STXBP5L: variants seen among roughly 807,000 people sequenced by gnomAD.
The protein encoded by STXBP5L is syntaxin binding protein 5L.
In STXBP5L, 65 loss-of-function variants were observed where a neutral mutation model predicts 144.5. That is an observed-to-expected ratio of 0.45 (90% CI 0.37 to 0.55). The LOEUF is 0.55. STXBP5L is among the 20% of genes least tolerant of loss of function. The pLI is 0.00. For synonymous variants in STXBP5L, 505 were observed against 469.6 expected, an observed-to-expected ratio of 1.08 and a Z score of -0.97; for missense variants, 1,298 against 1,405.5, an observed-to-expected ratio of 0.92 and a Z score of 1.22.
intron 2 of STXBP5L, among the ~76,000 whole-genome samples, chr3:120,928,676 G>A (rs960027102): frequency 2.8e-5 from 4 of 143,636 alleles, no homozygotes; most frequent in Admixed American, 7.1e-5. Flanking sequence ...GTGTGTGTGT[G>A]TCTTATACAA....
chr3:120,975,068 A>C (rs1254968490), intron 3 of STXBP5L, among the ~76,000 whole-genome samples: 3 of 152,108 alleles, frequency 2.0e-5, no homozygotes, highest in Non-Finnish European at 4.4e-5. Context: ...AGTTTTTTCC[A>C]ATTCTGTGAA....
chr3:121,075,286 G>T (rs1033575854), intron 5 of STXBP5L, among the ~76,000 whole-genome samples: 1 of 151,856 alleles, frequency 6.6e-6, no homozygotes, highest in African/African-American at 2.4e-5. Flanking sequence ...TCAATCCTAG[G>T]TCAGCCCCCT....
chr3:121,374,951 A>G (rs1332887833), intron 20 of STXBP5L, among the ~76,000 whole-genome samples: 1 of 150,054 alleles, frequency 6.7e-6, no homozygotes, highest in Non-Finnish European at 1.5e-5. Flanking sequence ...TATAAGTGGG[A>G]GCTAAATAAT....
chr3:120,997,963 C>G (rs887121005), intron 3 of STXBP5L, among the ~76,000 whole-genome samples: 1 of 152,128 alleles, frequency 6.6e-6, no homozygotes, highest in Non-Finnish European at 1.5e-5. Context: ...ATCACATAAA[C>G]AGAGCTAAAG....
intron 15 of STXBP5L, among the ~76,000 whole-genome samples, chr3:121,252,175 C>T (rs1367226445): frequency 6.6e-6 from 1 of 152,026 alleles, no homozygotes; most frequent in African/African-American, 2.4e-5. Flanking sequence ...GCCTGGGCAA[C>T]ACGGTGAAAC....
intron 20 of STXBP5L, among the ~76,000 whole-genome samples, chr3:121,373,815 T>C (rs554078668): frequency 2.0e-5 from 3 of 152,164 alleles, no homozygotes; most frequent in Non-Finnish European, 2.9e-5. Flanking sequence ...AGACTGGTCC[T>C]ACTGGCCTGA....
intron 24 of STXBP5L, 82 bp downstream of exon 24, chr3:121,413,405 T>C: frequency 1.6e-6 from 2 of 1,284,516 alleles, no homozygotes; most frequent in Non-Finnish European, 1.0e-6. Context: ...AAAAATATTA[T>C]TAGGTCAGAC....
intron 5 of STXBP5L, among the ~76,000 whole-genome samples, chr3:121,098,158 G>C (rs78930035): frequency 0.099 from 15,096 of 152,104 alleles, 1,178 homozygotes; most frequent in Admixed American, 0.2. Context: ...TTTTAGAGTT[G>C]GTTTGAAAAT....
intron 19 of STXBP5L, among the ~76,000 whole-genome samples, chr3:121,290,721 T>C (rs2051406919): frequency 6.6e-6 from 1 of 152,070 alleles, no homozygotes; most frequent in African/African-American, 2.4e-5. Flanking sequence ...ATCAAGTGGG[T>C]TTCATACCAG....
chr3:121,213,214 C>A (rs2048646912), intron 10 of STXBP5L, among the ~76,000 whole-genome samples: 1 of 152,078 alleles, frequency 6.6e-6, no homozygotes, highest in Non-Finnish European at 1.5e-5. Context: ...CTTTCTCTTG[C>A]CTGATTGCCC....
At position 121,381,345 on chromosome 3, in the gene STXBP5L, T is replaced by C. The variant is rs754438759; in HGVS notation, c.2400T>C (p.Ile800=). The C allele has an allele frequency of 1.2e-6, 2 of 1,603,862 alleles. No homozygotes were observed. Among genetic ancestry groups the C allele is most frequent in the Admixed American group, 1.8e-5 (1 of 56,422 alleles). ...NRSRSSSISS[I]DKDSKEAITA... ...CTAGAAGCTCTAGTATCTCCAGTAT[T>C]GACAAAGATTCTAAAGAAGCAATTA... The change falls in exon 22 of 27, where the codon ATT becomes ATC. Residue 800 remains isoleucine, a synonymous_variant. Coordinates refer to ENST00000471454, the MANE Select transcript of STXBP5L (RefSeq NM_001308330.2).
intron 24 of STXBP5L, among the ~76,000 whole-genome samples, chr3:121,415,090 T>C (rs531817828): frequency 6.2e-4 from 95 of 152,222 alleles, no homozygotes; most frequent in Non-Finnish European, 1.0e-3. Context: ...ATTAAAATCA[T>C]ACTGGAAGTT....
rs184412737 is a variant in STXBP5L at position 120,978,719 on chromosome 3, T to G, written c.287+23682T>G. The stretch of plus-strand genomic sequence containing the variant: ...TGATGATGGTGATGTACAGATGGGT[T>G]TTGGTGTGTATATCCTTTCTGTTTG... On this transcript the variant is annotated intron_variant, in intron 3 of 26. Coordinates refer to ENST00000471454, the MANE Select transcript of STXBP5L (RefSeq NM_001308330.2). 7.5e-3 allele frequency among the ~76,000 whole-genome samples: 1,137 copies of G among 152,250 alleles called. 13 individuals are homozygous for G. Among genetic ancestry groups the G allele is most frequent in the African/African-American group, 0.026 (1,089 of 41,552 alleles).
intron 20 of STXBP5L, among the ~76,000 whole-genome samples, chr3:121,334,267 C>T (rs922709871): frequency 6.6e-6 from 1 of 152,012 alleles, no homozygotes; most frequent in South Asian, 2.1e-4. Flanking sequence ...CACCTACCAA[C>T]CAGAAAAGTC....
At chr3:121,240,983 G>A (rs1405476843) in intron 14 of STXBP5L, among the ~76,000 whole-genome samples, 3 of 152,128 alleles carry the variant, frequency 2.0e-5, no homozygotes, top group Non-Finnish European at 4.4e-5. Context: ...ATAAATATGA[G>A]ATTTAAAAAG....
intron 19 of STXBP5L, among the ~76,000 whole-genome samples, chr3:121,303,162 A>C (rs1277473665): frequency 1.3e-5 from 2 of 152,218 alleles, no homozygotes; most frequent in Admixed American, 6.5e-5. Context: ...CAGAATCTAC[A>C]ATGAACTCAA....
chr3:121,208,292 T>C (rs2048418320), intron 10 of STXBP5L, among the ~76,000 whole-genome samples: 1 of 129,540 alleles, frequency 7.7e-6, no homozygotes, highest in African/African-American at 3.0e-5. Context: ...ATGAGAACAC[T>C]TGGACCCAGG....
intron 3 of STXBP5L, among the ~76,000 whole-genome samples, chr3:121,009,750 C>A (rs1944629933): frequency 6.6e-6 from 1 of 151,796 alleles, no homozygotes; most frequent in Non-Finnish European, 1.5e-5. Flanking sequence ...CATGTTTTTG[C>A]TATTGTGCCA....
chr3:121,343,117 C>A (rs897479508), intron 20 of STXBP5L, among the ~76,000 whole-genome samples: 54 of 151,982 alleles, frequency 3.6e-4, no homozygotes, highest in Admixed American at 3.3e-3. Flanking sequence ...GCATTTTTTC[C>A]TGTGTTTTTT....
Sources: gnomAD v4.1 joint callset for allele counts (sites outside exome capture counted in the v4.1 genomes callset) on GRCh38, gnomAD v4.1.1 for gene constraint, MANE v1.5 for transcripts, NCBI Gene and HGNC (gene_info 2026-07-23, HGNC 2026-07-21) for gene names.